Variants in IGF1R observed in about 807,000 individuals in gnomAD.
IGF1R encodes the protein insulin like growth factor 1 receptor.
IGF1R carries 44 observed loss-of-function variants against 144.6 expected under a neutral mutation model. That is an observed-to-expected ratio of 0.30 (90% CI 0.24 to 0.39). The LOEUF (loss-of-function observed/expected upper bound fraction) is 0.39. Among genes scored for constraint, IGF1R ranks in the 10% least tolerant of loss-of-function variants. The pLI is 1.00. For missense variants in IGF1R, 1,355 were observed against 1,833.7 expected (o/e 0.74, Z 4.77); for synonymous variants, 795 against 722.8 (o/e 1.10, Z -1.60).
chr15:98,743,134 T>C (rs1336535105), intron 2 of IGF1R, among the ~76,000 whole-genome samples: 2 of 152,220 alleles, frequency 1.3e-5, no homozygotes, highest in Non-Finnish European at 1.5e-5. Flanking sequence ...CCTAATGTGT[T>C]CTAACTTTTG....
intron 2 of IGF1R, among the ~76,000 whole-genome samples, chr15:98,869,290 T>TA (rs1265245619): frequency 3.3e-5 from 4 of 120,156 alleles, no homozygotes; most frequent in East Asian, 5.3e-4. Context: ...AGCTTTCAAT[T>TA]AAAAAAAACA....
At chr15:98,750,389 T>G (rs553729199) in intron 2 of IGF1R, among the ~76,000 whole-genome samples, 1 of 152,328 alleles carries the variant, frequency 6.6e-6, no homozygotes, top group Non-Finnish European at 1.5e-5. Context: ...CTAGTCCAGC[T>G]TCTCGTCGTC....
Position 98,929,680 on chromosome 15 carries a change from A to G in IGF1R, c.2885+20A>G, listed in dbSNP as rs772179751. 8.6e-6 allele frequency: 13 copies of G among 1,505,254 alleles called. No individual in the cohort carries two copies. The highest frequency in any genetic ancestry group is 1.2e-5 in the Non-Finnish European group (13 of 1,080,392). The allele number at this position is 1,505,254 out of a possible 1,614,324, so 93.2% of individuals were successfully genotyped here. ...AAAGAGGTCAGTGATGTGCAAAGTT[A>G]TGACACTTTCTGTGGCTGAGTGGTT... On this transcript the variant is annotated intron_variant, in intron 14 of 20. Transcript: ENST00000650285.
chr15:98,741,864 G>A (rs939031219), intron 2 of IGF1R, among the ~76,000 whole-genome samples: 4 of 152,192 alleles, frequency 2.6e-5, no homozygotes, highest in Non-Finnish European at 4.4e-5. Context: ...AAAACTGTAG[G>A]CAGTTGTATG....
chr15:98,676,047 G>T (rs554857800), intron 1 of IGF1R, among the ~76,000 whole-genome samples: 2 of 151,354 alleles, frequency 1.3e-5, no homozygotes, highest in Non-Finnish European at 2.9e-5. Context: ...CCTGGCTGGT[G>T]TTGAACTCCC....
intron 2 of IGF1R, among the ~76,000 whole-genome samples, chr15:98,787,586 C>G (rs944137181): frequency 8.5e-5 from 13 of 152,130 alleles, no homozygotes; most frequent in Non-Finnish European, 2.9e-5. Context: ...GACCTCTCAC[C>G]CTAGGTCTCT....
At chr15:98,846,146 T>C (rs536400639) in intron 2 of IGF1R, among the ~76,000 whole-genome samples, 13 of 152,340 alleles carry the variant, frequency 8.5e-5, no homozygotes, top group Non-Finnish European at 1.5e-5. Context: ...TTCATTAATA[T>C]CAAAGTTGCT....
chr15:98,795,233 G>A (rs2056211729), intron 2 of IGF1R, among the ~76,000 whole-genome samples: 1 of 152,142 alleles, frequency 6.6e-6, no homozygotes, highest in Admixed American at 6.5e-5. Flanking sequence ...GGGTAGGAAA[G>A]GAAAAGTTTA....
chr15:98,913,024 T>C lies in IGF1R; in HGVS notation c.1590-20T>C, dbSNP rs2272037. 0.58 allele frequency: 925,805 copies of C among 1,587,368 alleles called. 275,519 individuals are homozygous for C. Among genetic ancestry groups the C allele is most frequent in the East Asian group, 0.66 (29,351 of 44,704 alleles). On this transcript the variant is annotated intron_variant, in intron 7 of 20. Coordinates refer to ENST00000650285, the MANE Select transcript of IGF1R (RefSeq NM_000875.5). ...TGATGTCAGAGCCCCGAACTTTCTC[T>C]GAACTTAATTGTCTTTCAGACCCTT...
chr15:98,930,073 T>A (rs948726402), intron 14 of IGF1R, among the ~76,000 whole-genome samples, 162 bp from the exon 15 acceptor site: 8 of 152,258 alleles, frequency 5.3e-5, no homozygotes, highest in African/African-American at 1.4e-4. Context: ...CAGGCCTGAA[T>A]TGGGAGTGTA....
chr15:98,707,818 G>C lies in IGF1R; in HGVS notation c.351G>C (p.Leu117=), dbSNP rs1270899927. Residue 117 remains leucine (L), a synonymous_variant, in exon 2 of 21, where the codon CTG becomes CTC. Transcript: ENST00000650285. The surrounding 1 kb of genome is among the most constrained non-coding windows in gnomAD (Gnocchi z 6.7). The part of the protein sequence containing the change: ...RGWKLFYNYA[L]VIFEMTNLKD... Reference sequence around the variant, plus strand: ...GGAAACTCTTCTACAACTACGCCCTGGTCATCTTCGAGATGACCAATCTCA... The same window carrying C: ...GGAAACTCTTCTACAACTACGCCCTCGTCATCTTCGAGATGACCAATCTCA... The C allele has an allele frequency of 6.2e-7, 1 of 1,614,094 alleles. No individual in the cohort carries two copies. Among genetic ancestry groups the C allele is most frequent in the Admixed American group, 1.7e-5 (1 of 60,012 alleles).
intron 1 of IGF1R, among the ~76,000 whole-genome samples, chr15:98,670,524 T>G (rs1006311381): frequency 6.6e-6 from 1 of 152,150 alleles, no homozygotes. Flanking sequence ...CCTTACATAT[T>G]GGTTCTCTTA....
chr15:98,964,106 C>T lies in IGF1R; in HGVS notation c.*6664C>T, dbSNP rs998258159. The T allele has an allele frequency of 4.3e-6, 1 of 232,920 alleles. No individual in the cohort carries two copies. The highest frequency in any genetic ancestry group is 8.5e-6 in the Non-Finnish European group (1 of 117,772). 14.4% of individuals were successfully genotyped at this position (232,920 alleles called of 1,614,324 possible). ...TGAGAGGTTTGCCAGAGTTTGTCTA[C>T]CTCTGGGTATCCCTTTGTCTGGGAT... On this transcript the variant is annotated 3_prime_UTR_variant, in exon 21 of 21. Transcript: ENST00000650285.
chr15:98,705,597 C>G (rs998144995), intron 1 of IGF1R, among the ~76,000 whole-genome samples: 1 of 152,200 alleles, frequency 6.6e-6, no homozygotes, highest in African/African-American at 2.4e-5. Context: ...GTTTCACATT[C>G]TAAGTTCTCA....
intron 5 of IGF1R, among the ~76,000 whole-genome samples, chr15:98,900,240 C>G (rs1216398402): frequency 6.6e-6 from 1 of 152,206 alleles, no homozygotes; most frequent in Non-Finnish European, 1.5e-5. Context: ...AAAGCCGGTG[C>G]TTATTGCATG....
intron 1 of IGF1R, among the ~76,000 whole-genome samples, chr15:98,698,610 C>G (rs1162982496): frequency 1.3e-5 from 2 of 152,230 alleles, no homozygotes; most frequent in African/African-American, 4.8e-5. Context: ...CAGGTTGTTG[C>G]ATGTGAGAGG....
intron 1 of IGF1R, among the ~76,000 whole-genome samples, chr15:98,692,902 C>G (rs982798671): frequency 1.3e-5 from 2 of 152,098 alleles, no homozygotes; most frequent in Non-Finnish European, 2.9e-5. Context: ...GTGGGGTAAG[C>G]CTGGGTGGGG....
chr15:98,651,983 T>C (rs188785758), intron 1 of IGF1R, among the ~76,000 whole-genome samples: 4 of 152,328 alleles, frequency 2.6e-5, no homozygotes, highest in Admixed American at 2.6e-4. Context: ...TGCTGAGCCC[T>C]ATCAGGGAGG....
At chr15:98,885,569 G>T (rs185085292) in intron 2 of IGF1R, among the ~76,000 whole-genome samples, 47 of 152,296 alleles carry the variant, frequency 3.1e-4, no homozygotes, top group African/African-American at 1.1e-3. Context: ...ATGCATGCCT[G>T]CTAGGGAAAG....
Sources: gnomAD v4.1 joint callset for allele counts (sites outside exome capture counted in the v4.1 genomes callset) on GRCh38, gnomAD v4.1.1 for gene constraint, Gnocchi (gnomAD v3.1) non-coding constraint, MANE v1.5 for transcripts, NCBI Gene and HGNC (gene_info 2026-07-23, HGNC 2026-07-21) for gene names.